The following CD9 variants were observed in gnomAD, a reference collection of about 807,000 sequenced individuals.
CD9 encodes CD9 molecule.
In CD9, 10 loss-of-function variants were observed where a neutral mutation model predicts 31.4. That is an observed-to-expected ratio of 0.32 (90% confidence interval 0.20 to 0.54). CD9 has a LOEUF of 0.54. CD9 is among the 20% of genes least tolerant of loss of function. CD9 has a pLI of 0.94. For missense variants in CD9, 259 were observed against 300.1 expected (o/e 0.86, Z 1.01); for synonymous variants, 113 against 114.1 (o/e 0.99, Z 0.06).
chr12:6,217,215 G>T (rs1946252055), intron 1 of CD9, among the ~76,000 whole-genome samples: 1 of 152,124 alleles, frequency 6.6e-6, no homozygotes, highest in East Asian at 1.9e-4. Flanking sequence ...GCTGAGGCAG[G>T]TGCATGTTTA....
chr12:6,237,387 GAA>G (rs768020275), intron 7 of CD9, among the ~76,000 whole-genome samples: 1 of 146,246 alleles, frequency 6.8e-6, no homozygotes, highest in South Asian at 2.2e-4. Flanking sequence ...CATCTCAAAA[GAA>G]AAAAAAAAGA....
intron 1 of CD9, among the ~76,000 whole-genome samples, chr12:6,201,715 C>T (rs934133914): frequency 6.6e-6 from 1 of 152,244 alleles, no homozygotes; most frequent in Non-Finnish European, 1.5e-5. Flanking sequence ...GATGTAGAAA[C>T]AGGTGCATGC....
intron 1 of CD9, among the ~76,000 whole-genome samples, chr12:6,221,364 C>T (rs934071061): frequency 6.6e-6 from 1 of 152,190 alleles, no homozygotes; most frequent in African/African-American, 2.4e-5. Flanking sequence ...GCCCGACCAG[C>T]TGGGCATACT....
Position 6,233,397 on chromosome 12 carries a change from C to T in CD9, c.274-15C>T. ...GCTGGGACTGTTCTCACCCCGTCCC[C>T]TCGTTGCCTTCCAGTTCTTCGGCTT... On this transcript the variant is annotated splice_polypyrimidine_tract_variant and intron_variant, in intron 3 of 7. Transcript: ENST00000009180. 6.2e-7 allele frequency: 1 copy of T among 1,610,504 alleles called. No homozygotes were observed. Among genetic ancestry groups the T allele is most frequent in the Non-Finnish European group, 8.5e-7 (1 of 1,176,652 alleles).
chr12:6,233,090 C>T, intron 3 of CD9: 1 of 701,352 alleles, frequency 1.4e-6, no homozygotes, highest in Non-Finnish European at 2.6e-6. Flanking sequence ...CTTTACTTGC[C>T]CAAATCTCTT....
At chr12:6,204,212 A>G (rs1946105163) in intron 1 of CD9, among the ~76,000 whole-genome samples, 1 of 152,150 alleles carries the variant, frequency 6.6e-6, no homozygotes, top group Non-Finnish European at 1.5e-5. Context: ...AGCTCAGTCT[A>G]TGAACCCAAC....
chr12:6,231,549 G>A (rs892387552), intron 2 of CD9, among the ~76,000 whole-genome samples: 5 of 152,250 alleles, frequency 3.3e-5, no homozygotes, highest in African/African-American at 1.2e-4. Flanking sequence ...CTGCAGGACA[G>A]CTGTGGCTTC....
At position 6,226,947 on chromosome 12, in the gene CD9, A is replaced by G. The variant is rs770530755; in HGVS notation, c.175+1413A>G. On this transcript the variant is annotated intron_variant, in intron 2 of 7. Transcript: ENST00000009180. ...CCAGAAGGGAGCCCTGTGCTGGGGG[A>G]GCAGGTCTGCCGGCAGGAGCAGGCA... Among the ~76,000 whole-genome samples the G allele has an allele frequency of 1.4e-4, 21 of 152,022 alleles. 1 individual carries two copies. The highest frequency in any genetic ancestry group is 3.1e-4 in the Non-Finnish European group (21 of 67,998).
intron 7 of CD9, 41 bp downstream of exon 7, chr12:6,236,316 T>A (rs542195831): frequency 6.5e-7 from 1 of 1,550,038 alleles, no homozygotes; most frequent in Admixed American, 1.7e-5. Context: ...GACTGAGGAG[T>A]TCACATTGAT....
chr12:6,215,501 T>C (rs1345736799), intron 1 of CD9, among the ~76,000 whole-genome samples: 1 of 152,196 alleles, frequency 6.6e-6, no homozygotes, highest in African/African-American at 2.4e-5. Flanking sequence ...TCCTGGGTCA[T>C]CCTGCTGCTG....
At chr12:6,208,379 C>G (rs1946155469) in intron 1 of CD9, among the ~76,000 whole-genome samples, 1 of 152,208 alleles carries the variant, frequency 6.6e-6, no homozygotes, top group Non-Finnish European at 1.5e-5. Context: ...GTGCCAGTCC[C>G]TTGCTGACAC....
intron 1 of CD9, among the ~76,000 whole-genome samples, chr12:6,217,591 G>A (rs1055286316): frequency 5.3e-5 from 8 of 152,122 alleles, no homozygotes; most frequent in Non-Finnish European, 1.0e-4. Flanking sequence ...CAGGCCCTAG[G>A]TGGCACAGCT....
At position 6,225,614 on chromosome 12, in the gene CD9, C is replaced by T. The variant is rs1235393687; in HGVS notation, c.175+80C>T. ...GCAACTTTGGAGGCCCCATGTTGAC[C>T]CAGGGACTTGGGCTTGGGAAAGACT... On this transcript the variant is annotated intron_variant, in intron 2 of 7. Coordinates refer to ENST00000009180, the MANE Select transcript of CD9 (RefSeq NM_001769.4). 8.5e-5 allele frequency: 74 copies of T among 875,238 alleles called. No individual in the cohort carries two copies. The Admixed American group carries it at 1.4e-3, about 16-fold the overall frequency. The allele number at this position is 875,238 out of a possible 1,614,324, so 54.2% of individuals were successfully genotyped here.
At chr12:6,215,622 G>A (rs908365186) in intron 1 of CD9, among the ~76,000 whole-genome samples, 2 of 152,142 alleles carry the variant, frequency 1.3e-5, no homozygotes, top group African/African-American at 2.4e-5. Context: ...ACAGTGGCTC[G>A]GTAGAAGTCC....
Position 6,235,330 on chromosome 12 carries a change from A to G in CD9, c.447+3A>G. ...CGCTGAAAGCCATCCACTATGCGGT[A>G]TGTCGCCTTGGCAAAGACACCCTCC... On this transcript the variant is annotated splice_donor_region_variant and intron_variant, in intron 5 of 7. Coordinates refer to ENST00000009180, the MANE Select transcript of CD9 (RefSeq NM_001769.4). 6.2e-7 allele frequency: 1 copy of G among 1,614,236 alleles called. No individual in the cohort carries two copies. The highest frequency in any genetic ancestry group is 8.5e-7 in the Non-Finnish European group (1 of 1,180,032).
rs71579340 is a variant in CD9, at chr12:6,235,213, C to T, written c.349-16C>T. 458 of 1,559,908 alleles carry T rather than the reference C, an allele frequency of 2.9e-4. No homozygotes were observed. The highest frequency in any genetic ancestry group is 4.5e-4 in the Admixed American group (27 of 59,494). On this transcript the variant is annotated splice_polypyrimidine_tract_variant and intron_variant, in intron 4 of 7. Coordinates refer to ENST00000009180, the MANE Select transcript of CD9 (RefSeq NM_001769.4). ...GAAAATGCCGTCTCTGCCCCTCTCT[C>T]GTCTGCCCATTGTAGGTGATTAAGG...
intron 1 of CD9, among the ~76,000 whole-genome samples, chr12:6,217,790 A>T (rs542673694): frequency 6.6e-6 from 1 of 151,914 alleles, no homozygotes; most frequent in Non-Finnish European, 1.5e-5. Flanking sequence ...CCCACCTCCA[A>T]CCCCTCCCAA....
rs1565428977 is a variant in CD9, at chr12:6,232,971, A to G, written c.273+242A>G. On this transcript the variant is annotated intron_variant, in intron 3 of 7. Coordinates refer to ENST00000009180, the MANE Select transcript of CD9 (RefSeq NM_001769.4). This position sits in a 1 kb window ranked among gnomAD's most constrained non-coding sequence, Gnocchi z 4.8. ...AGGACTATGTTTCCCCCTTTTCTCG[A>G]GGACCACGTTTGCTTTTTTTCCCTG... 1 of 702,350 alleles carries G rather than the reference A, an allele frequency of 1.4e-6. No individual in the cohort carries two copies. The highest frequency in any genetic ancestry group is 2.0e-5 in the Admixed American group (1 of 49,994). The allele number at this position is 702,350 out of a possible 1,614,324, so 43.5% of individuals were successfully genotyped here. A position where few individuals can be genotyped will look rare whatever the true frequency, so the allele number is the denominator to read the frequency against.
At chr12:6,207,660 A>C (rs1479696493) in intron 1 of CD9, among the ~76,000 whole-genome samples, 3 of 152,116 alleles carry the variant, frequency 2.0e-5, no homozygotes, top group Non-Finnish European at 4.4e-5. Flanking sequence ...AGAAAGGAGG[A>C]ATGTCTCAGG....
Sources: allele counts gnomAD v4.1 joint callset (sites outside exome capture counted in the v4.1 genomes callset), GRCh38; gene constraint gnomAD v4.1.1; non-coding constraint Gnocchi (gnomAD v3.1); transcripts MANE v1.5; gene names NCBI Gene and HGNC (gene_info 2026-07-23, HGNC 2026-07-21).